Variants in CCDC88C observed in about 807,000 individuals in gnomAD.
CCDC88C encodes the protein coiled-coil and HOOK domain protein 88C.
CCDC88C carries 131 observed loss-of-function variants against 198.8 expected under a neutral mutation model. The observed-to-expected ratio is 0.66, with a 90% CI of 0.57 to 0.76. The LOEUF (loss-of-function observed/expected upper bound fraction) is 0.76, where lower values mean the gene tolerates loss of function less well. Among genes scored for constraint, CCDC88C ranks in the 30% least tolerant of loss-of-function variants. The pLI, the probability that CCDC88C is intolerant of heterozygous loss-of-function variation, is 0.00. For missense variants in CCDC88C, 2,553 were observed against 2,631.6 expected (o/e 0.97, Z 0.65); for synonymous variants, 1,166 against 1,114.7 (o/e 1.05, Z -0.92).
Position 91,359,711 on chromosome 14 carries a change from C to T in CCDC88C, c.271G>A (p.Glu91Lys). 6.2e-7 allele frequency: 1 copy of T among 1,608,300 alleles called. No individual in the cohort carries two copies. Among genetic ancestry groups the T allele is most frequent in the Non-Finnish European group, 8.5e-7 (1 of 1,177,096 alleles). The change falls in exon 4 of 30, where the codon GAA becomes AAA. Residue 91 changes from glutamate (E) to lysine (K), a missense_variant and splice_region_variant. Glu to Lys is a moderately conservative substitution (Grantham distance 56). Around this residue, in one of 2 missense-constraint regions of CCDC88C, gnomAD observed 1,260 missense variants for 1,412.0 expected, o/e 0.89. Coordinates refer to ENST00000389857, the MANE Select transcript of CCDC88C (RefSeq NM_001080414.4). ...ATTACAATCAGCTGCTGGAGAACTT[C>T]CTGCAGAAACAAAGGGGGAAAAGAT... is the stretch of plus-strand genomic sequence containing the variant. ...LVRNIKTYYQ[E>K]VLQQLIVMNL...
chr14:91,392,787 C>G (rs1448349315), intron 3 of CCDC88C, among the ~76,000 whole-genome samples: 1 of 151,530 alleles, frequency 6.6e-6, no homozygotes, highest in Non-Finnish European at 1.5e-5. Context: ...CTCACTGCAC[C>G]CCTCACTCTC....
At chr14:91,389,964 C>T (rs1196799965) in intron 3 of CCDC88C, among the ~76,000 whole-genome samples, 2 of 151,568 alleles carry the variant, frequency 1.3e-5, no homozygotes, top group African/African-American at 2.4e-5. Context: ...CCCAGCTCCT[C>T]GGGAGGCTGA....
chr14:91,365,796 G>A (rs1479147653), intron 3 of CCDC88C, among the ~76,000 whole-genome samples: 2 of 152,160 alleles, frequency 1.3e-5, no homozygotes, highest in Non-Finnish European at 2.9e-5. Flanking sequence ...TGAAAGAGGT[G>A]TGAGATTAGA....
chr14:91,365,334 G>A (rs1408850494), intron 3 of CCDC88C, among the ~76,000 whole-genome samples: 2 of 152,178 alleles, frequency 1.3e-5, no homozygotes, highest in Admixed American at 6.5e-5. Context: ...ACTAGGCTGG[G>A]AAGGACCCAA....
intron 3 of CCDC88C, among the ~76,000 whole-genome samples, chr14:91,377,886 G>A (rs918161852): frequency 1.1e-4 from 16 of 151,804 alleles, no homozygotes; most frequent in African/African-American, 3.6e-4. Context: ...AGGGAGGCGC[G>A]CTGCCTCCTC....
intron 4 of CCDC88C, among the ~76,000 whole-genome samples, chr14:91,358,485 G>A (rs1021369821): frequency 2.6e-5 from 4 of 152,218 alleles, no homozygotes; most frequent in African/African-American, 7.2e-5. Flanking sequence ...CCTAGCCAGC[G>A]AGTAACTCTG....
rs1358728762 is a variant in CCDC88C, at chr14:91,272,561, A to G, written c.*64T>C. 4 of 1,508,942 alleles carry G rather than the reference A, an allele frequency of 2.7e-6. No homozygotes were observed. Among genetic ancestry groups the G allele is most frequent in the Non-Finnish European group, 3.6e-6 (4 of 1,119,874 alleles). The allele number at this position is 1,508,942 out of a possible 1,614,324, so 93.5% of individuals were successfully genotyped here. A position where few individuals can be genotyped will look rare whatever the true frequency, so the allele number is the denominator to read the frequency against. On this transcript the variant is annotated 3_prime_UTR_variant, in exon 30 of 30. Transcript: ENST00000389857. ...CTGGCACCGCAGGCAAGCAAGAGAA[A>G]AGGCCGTGAGAGTCGGAAGGCGCGT... is the stretch of plus-strand genomic sequence containing the variant.
At position 91,294,276 on chromosome 14, in the gene CCDC88C, G is replaced by A. The variant is rs775905129; in HGVS notation, c.4009C>T (p.His1337Tyr). The change falls in exon 23 of 30, where the codon CAC (histidine) becomes TAC (tyrosine). Residue 1337 changes from histidine (H) to tyrosine (Y), a missense_variant. Around this residue, in one of 2 missense-constraint regions of CCDC88C, gnomAD observed 1,293 missense variants for 1,219.6 expected, o/e 1.06. Transcript: ENST00000389857. Reference sequence around the variant, plus strand: ...AACAGCTGGATCTGGCTCAGGAGGTGATGATTTTCTTCCTCCAAGTTCCCC... The same window carrying A: ...AACAGCTGGATCTGGCTCAGGAGGTAATGATTTTCTTCCTCCAAGTTCCCC... ...LKGNLEEENH[H>Y]LLSQIQLLSQ... 1 of 1,614,036 alleles carries A rather than the reference G, an allele frequency of 6.2e-7. No homozygotes were observed. The highest frequency in any genetic ancestry group is 8.5e-7 in the Non-Finnish European group (1 of 1,179,884).
intron 3 of CCDC88C, among the ~76,000 whole-genome samples, chr14:91,377,611 A>G (rs1884517208): frequency 6.6e-6 from 1 of 152,176 alleles, no homozygotes; most frequent in Non-Finnish European, 1.5e-5. Flanking sequence ...TATAATCATT[A>G]TGTACCCAGA....
Position 91,273,140 on chromosome 14 carries a change from G to A in CCDC88C, c.5572C>T (p.Arg1858Trp), listed in dbSNP as rs763090813. ...TTTCCCACAAGTGGGGTCCGCTCCC[G>A]GGCCAGGCTATGGGAGCTGGGGGGT... ...PAPPSSHSLA[R>W]ERTPLVGKAG... Residue 1858 changes from arginine (R) to tryptophan (W), a missense_variant, in exon 30 of 30, where the codon CGG (arginine) becomes TGG (tryptophan). This residue lies in a region of CCDC88C where 1,293 missense variants were observed against 1,219.6 expected (regional missense o/e 1.06). Coordinates refer to ENST00000389857, the MANE Select transcript of CCDC88C (RefSeq NM_001080414.4). This position sits in a 1 kb window ranked among gnomAD's most constrained non-coding sequence, Gnocchi z 5.6. The A allele has an allele frequency of 1.6e-5, 26 of 1,579,086 alleles. No individual in the cohort carries two copies. The highest frequency in any genetic ancestry group is 1.7e-4 in the Middle Eastern group (1 of 5,986).
Position 91,303,722 on chromosome 14 carries a change from T to G in CCDC88C, c.3614A>C (p.Glu1205Ala). 6.3e-7 allele frequency: 1 copy of G among 1,599,572 alleles called. No individual in the cohort carries two copies. Among genetic ancestry groups the G allele is most frequent in the Non-Finnish European group, 8.5e-7 (1 of 1,171,700 alleles). The change falls in exon 20 of 30, where the codon GAG (glutamate) becomes GCG (alanine). Residue 1205 changes from glutamate to alanine, a missense_variant. Around this residue, in one of 2 missense-constraint regions of CCDC88C, gnomAD observed 1,293 missense variants for 1,219.6 expected, o/e 1.06. Coordinates refer to ENST00000389857, the MANE Select transcript of CCDC88C (RefSeq NM_001080414.4). ...CTACCTCTCCCCGAGCTCCTTGTGCTCCAGCTCCAGATTCCGATGCAGTGT... is the reference window on the plus strand; with the variant it reads ...CTACCTCTCCCCGAGCTCCTTGTGCGCCAGCTCCAGATTCCGATGCAGTGT... ...LKTLHRNLEL[E>A]HKELGERHGD...
rs1048282603 is a variant in CCDC88C at position 91,357,336 on chromosome 14, C to T, written c.340+2306G>A. Among the ~76,000 whole-genome samples the T allele has an allele frequency of 3.9e-5, 6 of 152,234 alleles. No individual in the cohort carries two copies. In the South Asian group the frequency reaches 8.3e-4, roughly 21 times the overall value. On this transcript the variant is annotated intron_variant, in intron 4 of 29. Coordinates refer to ENST00000389857, the MANE Select transcript of CCDC88C (RefSeq NM_001080414.4). The stretch of plus-strand genomic sequence containing the variant: ...GCACAATCACAGCTTACTGCAGCCT[C>T]GACCTCCTGGGCTTAAGCAATCCTT...
chr14:91,324,963 G>A lies in CCDC88C; in HGVS notation c.1198-40C>T, dbSNP rs141520809. The A allele has an allele frequency of 2.2e-5, 35 of 1,611,018 alleles. No homozygotes were observed. In the East Asian group the frequency reaches 7.8e-4, roughly 36 times the overall value. On this transcript the variant is annotated intron_variant, in intron 11 of 29. Transcript: ENST00000389857. ...AAGAGGCAAGAAGTGAGGCTGCACA[G>A]CTGGAGATCCCCCTGGACAAGCCTC...
chr14:91,281,025 A>G, intron 27 of CCDC88C: 1 of 386,824 alleles, frequency 2.6e-6, no homozygotes, highest in South Asian at 1.9e-5. Flanking sequence ...TCCCTTCTGC[A>G]GAAATTTATA....
chr14:91,276,215 C>T (rs145029223), intron 29 of CCDC88C, among the ~76,000 whole-genome samples: 6 of 152,338 alleles, frequency 3.9e-5, no homozygotes, highest in South Asian at 4.1e-4. Context: ...CAACCTCAGA[C>T]CCATTGATTC....
At chr14:91,414,420 A>G (rs1018825387) in intron 2 of CCDC88C, among the ~76,000 whole-genome samples, 2 of 152,198 alleles carry the variant, frequency 1.3e-5, no homozygotes, top group African/African-American at 4.8e-5. Context: ...GCCAGGGTTC[A>G]TTGTTTAGTT....
intron 3 of CCDC88C, among the ~76,000 whole-genome samples, chr14:91,369,143 C>T (rs1320110073): frequency 6.6e-6 from 1 of 152,224 alleles, no homozygotes; most frequent in African/African-American, 2.4e-5. Flanking sequence ...ATCTTCATCA[C>T]CTCATGCCCA....
At chr14:91,359,818 C>T (rs1894223151) in intron 3 of CCDC88C, 107 bp from the exon 4 acceptor site, 1 of 955,644 alleles carries the variant, frequency 1.0e-6, no homozygotes, top group Non-Finnish European at 1.7e-6. Flanking sequence ...GCACAGCCAT[C>T]CCGTGGTGAC....
At chr14:91,387,344 A>G (rs1212047537) in intron 3 of CCDC88C, among the ~76,000 whole-genome samples, 1 of 152,170 alleles carries the variant, frequency 6.6e-6, no homozygotes, top group Non-Finnish European at 1.5e-5. Context: ...CGTCCGGGCC[A>G]TGGAGGTTTG....
Sources: allele counts gnomAD v4.1 joint callset (sites outside exome capture counted in the v4.1 genomes callset), GRCh38; gene constraint gnomAD v4.1.1; regional missense constraint gnomAD v4.1.1; non-coding constraint Gnocchi (gnomAD v3.1); transcripts MANE v1.5; gene names NCBI Gene and HGNC (gene_info 2026-07-23, HGNC 2026-07-21).